The following SAMD12 variants were observed in gnomAD, a reference collection of about 807,000 sequenced individuals.
SAMD12 encodes sterile alpha motif domain containing 12.
SAMD12 carries 9 observed loss-of-function variants against 15.0 expected under a neutral mutation model. The ratio of observed to expected loss-of-function variants is 0.60; its 90% CI spans 0.36 to 1.05. The LOEUF (loss-of-function observed/expected upper bound fraction) is 1.05. SAMD12 is among the 50% of genes least tolerant of loss of function. SAMD12 has a pLI of 0.01. For missense variants in SAMD12, 230 were observed against 234.2 expected (o/e 0.98, Z 0.12); for synonymous variants, 86 against 90.1 (o/e 0.96, Z 0.25).
intron 4 of SAMD12, chr8:118,282,125 T>C: frequency 2.8e-6 from 1 of 356,222 alleles, no homozygotes; most frequent in South Asian, 2.1e-5. Flanking sequence ...GTCCTTTCAC[T>C]TCCATTTTCT....
rs1288926248 is a variant in SAMD12 at position 118,251,125 on chromosome 8, G to A, written c.434-53393C>T. On this transcript the variant is annotated intron_variant, in intron 4 of 4. Transcript: ENST00000409003. Reference sequence around the variant, plus strand: ...AGGTATGTGCATAGGGGTGCCGTGAGTGAGAAACAGGAGGAGTGGTCAAGT... The same window carrying A: ...AGGTATGTGCATAGGGGTGCCGTGAATGAGAAACAGGAGGAGTGGTCAAGT... Among the ~76,000 whole-genome samples, 3 of 152,154 alleles carry A rather than the reference G, an allele frequency of 2.0e-5. No homozygotes were observed. The East Asian group carries it at 5.8e-4, about 29-fold the overall frequency.
chr8:118,279,119 T>C (rs904891440), intron 4 of SAMD12, among the ~76,000 whole-genome samples: 1 of 152,126 alleles, frequency 6.6e-6, no homozygotes, highest in African/African-American at 2.4e-5. Flanking sequence ...CAGAAACCAA[T>C]TGCACATCTG....
At position 118,340,299 on chromosome 8, in the gene SAMD12, AG is replaced by A. The variant is rs1437989363; in HGVS notation, c.433+39260del. 2.6e-5 allele frequency among the ~76,000 whole-genome samples: 4 copies of A among 152,018 alleles called. No homozygotes were observed. The East Asian group carries it at 7.8e-4, about 30-fold the overall frequency. On this transcript the variant is annotated intron_variant, in intron 4 of 4. Transcript: ENST00000409003. The stretch of plus-strand genomic sequence containing the variant: ...TATATAGATAAGAAAACCAGTTACC[AG>A]GGGTGACAAATTCTTGACCTTATGC...
chr8:118,262,558 G>A (rs1352761201), intron 4 of SAMD12, among the ~76,000 whole-genome samples: 3 of 151,994 alleles, frequency 2.0e-5, no homozygotes, highest in African/African-American at 7.2e-5. Flanking sequence ...AAATAAAGGC[G>A]AGCAATTCTT....
At chr8:118,550,132 A>G (rs1489908372) in intron 2 of SAMD12, among the ~76,000 whole-genome samples, 1 of 152,202 alleles carries the variant, frequency 6.6e-6, no homozygotes. Flanking sequence ...GAGCTTCCCC[A>G]ACCCAGCAAG....
chr8:118,520,207 CCTG>C (rs1825351291), intron 2 of SAMD12, among the ~76,000 whole-genome samples: 1 of 151,784 alleles, frequency 6.6e-6, no homozygotes, highest in Non-Finnish European at 1.5e-5. Flanking sequence ...AAGTACAGTA[CCTG>C]CTTTTAGTAA....
the SAMD12 span, among the ~76,000 whole-genome samples, chr8:118,146,800 G>A: frequency 2.0e-4 from 31 of 152,108 alleles, no homozygotes; most frequent in African/African-American, 7.2e-4. Context: ...AGCCAAGAAT[G>A]TTTTTTGCTA....
intron 4 of SAMD12, among the ~76,000 whole-genome samples, chr8:118,229,959 C>G (rs1812272616): frequency 6.6e-6 from 1 of 151,980 alleles, no homozygotes; most frequent in Non-Finnish European, 1.5e-5. Flanking sequence ...GGGATGTGAT[C>G]TGTCTATGAG....
intron 4 of SAMD12, among the ~76,000 whole-genome samples, chr8:118,339,338 A>C (rs545100074): frequency 6.6e-6 from 1 of 152,288 alleles, no homozygotes; most frequent in African/African-American, 2.4e-5. Context: ...TTAAAAAATA[A>C]AGAGAAAAGA....
intron 4 of SAMD12, among the ~76,000 whole-genome samples, chr8:118,290,568 C>T (rs1280053214): frequency 6.6e-6 from 1 of 152,202 alleles, no homozygotes; most frequent in African/African-American, 2.4e-5. Context: ...CAAAACATCA[C>T]ATTTATTTGC....
intron 2 of SAMD12, among the ~76,000 whole-genome samples, chr8:118,501,912 G>C (rs1451619788): frequency 6.6e-6 from 1 of 152,036 alleles, no homozygotes; most frequent in Non-Finnish European, 1.5e-5. Flanking sequence ...AGCTACTCGG[G>C]AGGCTGAGGC....
chr8:118,430,794 T>G (rs1399075057), intron 3 of SAMD12, among the ~76,000 whole-genome samples: 1 of 152,244 alleles, frequency 6.6e-6, no homozygotes, highest in East Asian at 1.9e-4. Context: ...CCTGAGTACT[T>G]AAAGTGTGTT....
At chr8:118,586,301 T>C (rs1827437041) in intron 1 of SAMD12, among the ~76,000 whole-genome samples, 1 of 152,120 alleles carries the variant, frequency 6.6e-6, no homozygotes, top group Admixed American at 6.6e-5. Flanking sequence ...TTGCACCCAG[T>C]ATATCCTCTT....
At chr8:118,285,438 A>G (rs1409482829) in intron 4 of SAMD12, among the ~76,000 whole-genome samples, 1 of 152,250 alleles carries the variant, frequency 6.6e-6, no homozygotes, top group African/African-American at 2.4e-5. Context: ...TTAATAAAAT[A>G]TGAATGTTGT....
the SAMD12 span, among the ~76,000 whole-genome samples, chr8:118,166,293 A>T: frequency 7.5e-4 from 114 of 152,290 alleles, no homozygotes; most frequent in Middle Eastern, 3.4e-3. Context: ...TTTGTCTATC[A>T]ATTTATTTCT....
At chr8:118,548,006 G>A (rs918821509) in intron 2 of SAMD12, among the ~76,000 whole-genome samples, 2 of 152,066 alleles carry the variant, frequency 1.3e-5, no homozygotes, top group African/African-American at 4.8e-5. Context: ...GGTCACTCGA[G>A]GTTACCAAAC....
At position 118,273,411 on chromosome 8, in the gene SAMD12, G is replaced by A. The variant is rs569170132; in HGVS notation, c.434-75679C>T. On this transcript the variant is annotated intron_variant, in intron 4 of 4. Coordinates refer to the SAMD12 transcript ENST00000409003. ...CAAGATGAGATTTGGATGGGGACACGGCCAAACCATATCAGGGAGTGAAAC... is the reference window on the plus strand; with the variant it reads ...CAAGATGAGATTTGGATGGGGACACAGCCAAACCATATCAGGGAGTGAAAC... 2.1e-3 allele frequency among the ~76,000 whole-genome samples: 313 copies of A among 152,240 alleles called. 1 individual carries two copies. Among genetic ancestry groups the A allele is most frequent in the South Asian group, 0.011 (54 of 4,804 alleles).
At chr8:118,367,977 G>C (rs1471206942) in intron 4 of SAMD12, among the ~76,000 whole-genome samples, 1 of 152,148 alleles carries the variant, frequency 6.6e-6, no homozygotes, top group East Asian at 1.9e-4. Context: ...AACAGGAAAA[G>C]ATGCTAATCA....
chr8:118,448,664 T>A (rs1822987798), intron 2 of SAMD12, among the ~76,000 whole-genome samples: 1 of 152,188 alleles, frequency 6.6e-6, no homozygotes, highest in African/African-American at 2.4e-5. Flanking sequence ...GCAGAGCCAG[T>A]CTAGCACTAT....
Sources: gnomAD v4.1 joint callset for allele counts (sites outside exome capture counted in the v4.1 genomes callset) on GRCh38, gnomAD v4.1.1 for gene constraint, MANE v1.5 for transcripts, NCBI Gene and HGNC (gene_info 2026-07-23, HGNC 2026-07-21) for gene names.